The following SLC9A3 variants were observed in gnomAD, a reference collection of about 807,000 sequenced individuals.
The protein encoded by SLC9A3 is solute carrier family 9 member A3.
In SLC9A3, 37 loss-of-function variants were observed where a neutral mutation model predicts 86.8. The observed-to-expected ratio is 0.43, with a 90% CI of 0.33 to 0.56. The LOEUF (loss-of-function observed/expected upper bound fraction) is 0.56. Ranked by LOEUF, SLC9A3 falls within the 20% of genes least tolerant of loss-of-function variation. The pLI, the probability that SLC9A3 is intolerant of heterozygous loss-of-function variation, is 0.06. For missense variants in SLC9A3, 1,011 were observed against 1,171.9 expected (o/e 0.86, Z 2.00); for synonymous variants, 581 against 528.3 (o/e 1.10, Z -1.37).
Position 479,968 on chromosome 5 carries a change from G to A in SLC9A3, c.1518-3C>T, listed in dbSNP as rs369382043. ...ACTTCCTGTCGAAGTGGGACCACCT[G>A]TAGGGACAGACCTTGGGTGTGAGCC... On this transcript the variant is annotated splice_region_variant and splice_polypyrimidine_tract_variant and intron_variant, in intron 9 of 16. Coordinates refer to ENST00000264938, the MANE Select transcript of SLC9A3 (RefSeq NM_004174.4). 3.7e-4 allele frequency: 600 copies of A among 1,613,290 alleles called. 6 individuals are homozygous for A. The South Asian group carries it at 6.2e-3, about 17-fold the overall frequency.
Position 484,516 on chromosome 5 carries a change from T to G in SLC9A3, c.932+4A>C. 6.2e-7 allele frequency: 1 copy of G among 1,611,476 alleles called. No individual in the cohort carries two copies. The highest frequency in any genetic ancestry group is 8.5e-7 in the Non-Finnish European group (1 of 1,179,274). On this transcript the variant is annotated splice_donor_region_variant and intron_variant, in intron 5 of 16. Coordinates refer to ENST00000264938, the MANE Select transcript of SLC9A3 (RefSeq NM_004174.4). ...AGAAGCTCGCGTGTGTGGGAGGGAC[T>G]CACGCGAGGATGGCCGACAGCGACA...
At chr5:490,574 A>G (rs1000425349) in intron 2 of SLC9A3, among the ~76,000 whole-genome samples, 8 of 152,146 alleles carry the variant, frequency 5.3e-5, no homozygotes, top group African/African-American at 1.9e-4. Flanking sequence ...TGACGGCCAG[A>G]CTGATCACAG....
chr5:482,169 G>A lies in SLC9A3; in HGVS notation c.1357-12C>T, dbSNP rs374248358. ...TTGATGGTCAGGCCCTGGAGGACAG[G>A]GTCTCGTGACCCTGGTGCCAGGCAG... On this transcript the variant is annotated splice_polypyrimidine_tract_variant and intron_variant, in intron 7 of 16. Transcript: ENST00000264938. 4.0e-4 allele frequency: 642 copies of A among 1,601,442 alleles called. 3 individuals are homozygous for A. Among genetic ancestry groups the A allele is most frequent in the South Asian group, 8.4e-4 (76 of 90,500 alleles).
rs1304725682 is a variant in SLC9A3, at chr5:496,140, C to T, written c.212-4069G>A. Among the ~76,000 whole-genome samples the T allele has an allele frequency of 1.3e-5, 2 of 152,256 alleles. No homozygotes were observed. The highest frequency in any genetic ancestry group is 2.9e-5 in the Non-Finnish European group (2 of 68,042). On this transcript the variant is annotated intron_variant, in intron 1 of 16. Transcript: ENST00000264938. The surrounding 1 kb of genome is among the most constrained non-coding windows in gnomAD (Gnocchi z 4.7). ...GAAAATATACATATATACGCACAAA[C>T]GCCGCATAGGTGGGAGGGCGGCGGT...
At chr5:516,623 T>TCAGCTGA (rs908709773) in intron 1 of SLC9A3, among the ~76,000 whole-genome samples, 11 of 152,218 alleles carry the variant, frequency 7.2e-5, no homozygotes, top group Non-Finnish European at 2.9e-5. Context: ...AGCTAAGATT[T>TCAGCTGA]CAGCTGACAG....
intron 16 of SLC9A3, among the ~76,000 whole-genome samples, chr5:473,904 C>T (rs551773512): frequency 6.6e-6 from 1 of 152,360 alleles, no homozygotes. Context: ...CAGCCCTGCT[C>T]TCAGCTCCCT....
intron 9 of SLC9A3, 71 bp downstream of exon 9, chr5:481,494 G>GC (rs1380794941): frequency 1.7e-5 from 22 of 1,295,958 alleles, no homozygotes; most frequent in Non-Finnish European, 2.5e-5. Context: ...GTGGCTTCTG[G>GC]TTCTTCCGAG....
chr5:483,270 C>T lies in SLC9A3; in HGVS notation c.1145G>A (p.Arg382Gln), dbSNP rs766076524. Residue 382 changes from arginine to glutamine, a missense_variant, in exon 6 of 17, where the codon CGG (arginine) becomes CAG (glutamine). Arg to Gln is a conservative substitution (Grantham distance 43). This residue lies in a region of SLC9A3 where 565 missense variants were observed against 790.0 expected (regional missense o/e 0.72). Coordinates refer to ENST00000264938, the MANE Select transcript of SLC9A3 (RefSeq NM_004174.4). ...ACCCGGCCCCGCCTCACCGATGGCC[C>T]GGTACACGGAGATGAAGACCAGCGT... ...LLTLVFISVY[R>Q]AIGVVLQTWL... The T allele has an allele frequency of 8.4e-6, 13 of 1,544,770 alleles. No individual in the cohort carries two copies. Among genetic ancestry groups the T allele is most frequent in the Non-Finnish European group, 8.8e-6 (10 of 1,141,468 alleles).
rs1472122481 is a variant in SLC9A3, at chr5:495,402, CCCACGCTCCACTCCCCGCG to C, written c.212-3350_212-3332del. Reference sequence around the variant, plus strand: ...GCTCCCCGCGCCATCGCCGACCCTCCCCACGCTCCACTCCCCGCGCCATCGCCGACCCTCCCCACGCTCC... The same window carrying C: ...GCTCCCCGCGCCATCGCCGACCCTCCCCATCGCCGACCCTCCCCACGCTCC... On this transcript the variant is annotated intron_variant, in intron 1 of 16. Transcript: ENST00000264938. Among the ~76,000 whole-genome samples, 292 of 145,190 alleles carry C rather than the reference CCCACGCTCCACTCCCCGCG, an allele frequency of 2.0e-3. 1 individual carries two copies. Among genetic ancestry groups the C allele is most frequent in the Middle Eastern group, 3.5e-3 (1 of 286 alleles).
chr5:484,720 G>A, intron 4 of SLC9A3, 23 bp from the exon 5 acceptor site: 1 of 1,608,838 alleles, frequency 6.2e-7, no homozygotes, highest in East Asian at 2.2e-5. Flanking sequence ...CGCCCTTTGT[G>A]GCCGTGCCGG....
intron 1 of SLC9A3, among the ~76,000 whole-genome samples, chr5:507,306 T>C (rs796847332): frequency 4.1e-5 from 6 of 146,104 alleles, no homozygotes; most frequent in South Asian, 2.2e-4. Flanking sequence ...TAGCTGGGAC[T>C]ACAGGCGCCC....
chr5:485,720 G>A (rs539730081), intron 3 of SLC9A3, among the ~76,000 whole-genome samples: 12 of 152,370 alleles, frequency 7.9e-5, no homozygotes, highest in East Asian at 1.9e-4. Context: ...GAGACCGGCC[G>A]AGGGCCGTCC....
At chr5:498,200 A>T (rs1224355687) in intron 1 of SLC9A3, among the ~76,000 whole-genome samples, 2 of 151,958 alleles carry the variant, frequency 1.3e-5, no homozygotes, top group Non-Finnish European at 2.9e-5. Context: ...GGTGCTGCCA[A>T]CCGTGTCTTC....
In SLC9A3 at chr5:485,200, G is replaced by A. The variant is rs768564666; in HGVS notation, c.707C>T (p.Ala236Val). 177 of 1,613,752 alleles carry A rather than the reference G, an allele frequency of 1.1e-4. No homozygotes were observed. Among genetic ancestry groups the A allele is most frequent in the East Asian group, 1.6e-4 (7 of 44,892 alleles). ...VLYNVFESFV[A>V]LGGDNVTGVD... ...GCCAGTCACGTTGTCACCTCCCAGC[G>A]CCACGAAAGATTCAAACACATTGTA... The change falls in exon 4 of 17, where the codon GCG (alanine) becomes GTG (valine). Residue 236 changes from alanine to valine, a missense_variant. By Grantham distance (64) the Ala-to-Val change is moderately conservative (BLOSUM62 0). Coordinates refer to ENST00000264938, the MANE Select transcript of SLC9A3 (RefSeq NM_004174.4).
intron 1 of SLC9A3, among the ~76,000 whole-genome samples, chr5:513,685 G>A (rs1333056314): frequency 6.6e-6 from 1 of 152,172 alleles, no homozygotes; most frequent in Non-Finnish European, 1.5e-5. Context: ...GTGCTCCTCA[G>A]GGGCCCAGGG....
chr5:489,204 G>C (rs535188166), intron 2 of SLC9A3, among the ~76,000 whole-genome samples: 1 of 152,224 alleles, frequency 6.6e-6, no homozygotes, highest in African/African-American at 2.4e-5. Context: ...CCGAGAGTCT[G>C]CCCTCTCTCA....
chr5:517,088 C>T (rs971644367), intron 1 of SLC9A3, among the ~76,000 whole-genome samples: 1 of 152,054 alleles, frequency 6.6e-6, no homozygotes, highest in Admixed American at 6.5e-5. Flanking sequence ...TGCATCCATC[C>T]ATCCACTCAT....
rs896433706 is a variant in SLC9A3, at chr5:509,993, G to C, written c.211+14119C>G. Among the ~76,000 whole-genome samples, 8 of 152,356 alleles carry C rather than the reference G, an allele frequency of 5.3e-5. No homozygotes were observed. In the South Asian group the frequency reaches 6.2e-4, roughly 12 times the overall value. ...GGCTTCCCAGGGCCTGAGCAAGGAT[G>C]GGGGAGGCTTCGGGAGAAGAGGGGC... On this transcript the variant is annotated intron_variant, in intron 1 of 16. Coordinates refer to ENST00000264938, the MANE Select transcript of SLC9A3 (RefSeq NM_004174.4).
chr5:479,393 C>G, intron 10 of SLC9A3: 1 of 181,844 alleles, frequency 5.5e-6, no homozygotes, highest in Non-Finnish European at 1.2e-5. Context: ...CTGGGAGATG[C>G]TGGAGCAGCC....
Sources: allele counts gnomAD v4.1 joint callset (sites outside exome capture counted in the v4.1 genomes callset), GRCh38; gene constraint gnomAD v4.1.1; regional missense constraint gnomAD v4.1.1; non-coding constraint Gnocchi (gnomAD v3.1); transcripts MANE v1.5; gene names NCBI Gene and HGNC (gene_info 2026-07-23, HGNC 2026-07-21).